The following NCOA2 variants were observed in gnomAD, a reference collection of about 807,000 sequenced individuals.
The protein encoded by NCOA2 is nuclear receptor coactivator 2.
Under a neutral mutation model 145.1 loss-of-function variants are expected in NCOA2, and 21 were observed. The ratio of observed to expected loss-of-function variants is 0.14; its 90% CI spans 0.10 to 0.21. The LOEUF (loss-of-function observed/expected upper bound fraction) is 0.21, where lower values mean the gene tolerates loss of function less well. Among genes scored for constraint, NCOA2 ranks in the 10% least tolerant of loss-of-function variants. The pLI is 1.00. For synonymous variants in NCOA2, 619 were observed against 637.5 expected, an observed-to-expected ratio of 0.97 and a Z score of 0.44; for missense variants, 1,472 against 1,837.6, an observed-to-expected ratio of 0.80 and a Z score of 3.64.
At chr8:70,163,608 T>C in intron 7 of NCOA2, 42 bp from the exon 8 acceptor site, 2 of 1,508,986 alleles carry the variant, frequency 1.3e-6, no homozygotes, top group South Asian at 1.1e-5. Context: ...TGGGCTTTTC[T>C]AGTGATTCAA....
In NCOA2 at chr8:70,352,920, C is replaced by T. The variant is rs1586574573; in HGVS notation, c.-77+50780G>A. ...TGGCCATCCTGGCAGCAGATAACAC[C>T]CATAAGAGCTTATTTTGCTACTACC... is the stretch of plus-strand genomic sequence containing the variant. On this transcript the variant is annotated intron_variant, in intron 1 of 22. Coordinates refer to ENST00000452400, the MANE Select transcript of NCOA2 (RefSeq NM_006540.4). Among the ~76,000 whole-genome samples the T allele has an allele frequency of 2.6e-5, 4 of 152,142 alleles. No homozygotes were observed. The South Asian group carries it at 8.3e-4, about 32-fold the overall frequency.
At chr8:70,346,676 C>T (rs1162635812) in intron 1 of NCOA2, among the ~76,000 whole-genome samples, 4 of 152,140 alleles carry the variant, frequency 2.6e-5, no homozygotes, top group African/African-American at 7.2e-5. Context: ...TAGTGCCTAC[C>T]TCATATTACC....
intron 2 of NCOA2, among the ~76,000 whole-genome samples, chr8:70,253,590 A>G (rs967436232): frequency 6.6e-6 from 1 of 152,170 alleles, no homozygotes; most frequent in Non-Finnish European, 1.5e-5. Flanking sequence ...ACAAAACAAA[A>G]AAACCTCTCA....
chr8:70,236,085 T>TTG (rs1411419821), intron 2 of NCOA2, among the ~76,000 whole-genome samples: 1 of 152,166 alleles, frequency 6.6e-6, no homozygotes, highest in Non-Finnish European at 1.5e-5. Flanking sequence ...ATGTGTAAGA[T>TTG]GTCAATCCAC....
chr8:70,376,451 T>C (rs190965325), intron 1 of NCOA2, among the ~76,000 whole-genome samples: 48 of 152,270 alleles, frequency 3.2e-4, no homozygotes, highest in Admixed American at 1.6e-3. Context: ...AGTCTGGATT[T>C]TTCTATTATA....
intron 2 of NCOA2, among the ~76,000 whole-genome samples, chr8:70,226,661 TA>T (rs1350914435): frequency 5.5e-3 from 47 of 8,486 alleles, no homozygotes; most frequent in Non-Finnish European, 0.017. Context: ...TTTAATTATT[TA>T]TATATATATA....
intron 1 of NCOA2, among the ~76,000 whole-genome samples, chr8:70,371,099 AAC>A (rs1446093541): frequency 6.6e-6 from 1 of 152,070 alleles, no homozygotes; most frequent in Non-Finnish European, 1.5e-5. Context: ...CATCCTGGCT[AAC>A]ACAGTGAAAC....
rs1007044757 is a variant in NCOA2, at chr8:70,156,861, T to A, written c.1504A>T (p.Ile502Phe). The change falls in exon 11 of 23, where the codon ATC becomes TTC. Residue 502 changes from isoleucine to phenylalanine, a missense_variant. This residue lies in a region of NCOA2 where 953 missense variants were observed against 1,062.1 expected (regional missense o/e 0.90). Coordinates refer to ENST00000452400, the MANE Select transcript of NCOA2 (RefSeq NM_006540.4). The part of the protein sequence containing the change: ...MSPGVAGSPR[I>F]PPSQFSPAGS... ...GCAGGGGAAAACTGACTGGGTGGGA[T>A]TCGAGGGCTGCCAGCCACTCCAGGG... 6.2e-7 allele frequency: 1 copy of A among 1,613,914 alleles called. No homozygotes were observed. The highest frequency in any genetic ancestry group is 8.5e-7 in the Non-Finnish European group (1 of 1,179,858).
chr8:70,273,480 C>T (rs565563718), intron 2 of NCOA2: 13 of 638,232 alleles, frequency 2.0e-5, no homozygotes, highest in South Asian at 1.8e-4. Context: ...ACAGCCACAG[C>T]AAATGATAAA....
In NCOA2 at chr8:70,156,829, G is replaced by A; in HGVS notation, c.1536C>T (p.Ser512=). ...IPPSQFSPAG[S]LHSPVGVCSS... is the part of the protein sequence containing the mutation. ...TGCAAACTCCCACAGGGGAATGCAA[G>A]CTTCCTGCAGGGGAAAACTGACTGG... Residue 512 remains serine, a synonymous_variant, in exon 11 of 23, where the codon AGC becomes AGT. Coordinates refer to ENST00000452400, the MANE Select transcript of NCOA2 (RefSeq NM_006540.4). 1 of 1,614,036 alleles carries A rather than the reference G, an allele frequency of 6.2e-7. No individual in the cohort carries two copies.
intron 2 of NCOA2, among the ~76,000 whole-genome samples, chr8:70,225,059 G>T (rs1048653647): frequency 6.6e-6 from 1 of 152,086 alleles, no homozygotes; most frequent in South Asian, 2.1e-4. Flanking sequence ...TCTATTAAGG[G>T]GGAATGCAGA....
intron 22 of NCOA2, among the ~76,000 whole-genome samples, chr8:70,114,899 T>C (rs1232612602): frequency 1.3e-5 from 2 of 152,178 alleles, no homozygotes; most frequent in Non-Finnish European, 2.9e-5. Flanking sequence ...AAGGTGGAAT[T>C]ACATTAGCCC....
At chr8:70,200,092 G>A (rs1454664331) in intron 4 of NCOA2, among the ~76,000 whole-genome samples, 2 of 152,044 alleles carry the variant, frequency 1.3e-5, no homozygotes, top group Admixed American at 6.6e-5. Context: ...TATATAATAA[G>A]TAATCTACAG....
chr8:70,123,177 C>A (rs762218671), intron 21 of NCOA2, among the ~76,000 whole-genome samples: 3 of 152,082 alleles, frequency 2.0e-5, no homozygotes, highest in African/African-American at 7.2e-5. Flanking sequence ...TGTTGTTCAA[C>A]GCAAAACAAT....
At chr8:70,145,242 C>CT (rs1375931616) in intron 12 of NCOA2, among the ~76,000 whole-genome samples, 1 of 152,210 alleles carries the variant, frequency 6.6e-6, no homozygotes, top group Non-Finnish European at 1.5e-5. Flanking sequence ...ATTACAACCT[C>CT]TGCCTCCGAG....
chr8:70,171,352 A>G (rs1448490285), intron 5 of NCOA2, among the ~76,000 whole-genome samples: 2 of 152,218 alleles, frequency 1.3e-5, no homozygotes, highest in South Asian at 4.1e-4. Context: ...CAGTGGTAGT[A>G]CAGCTTGAAT....
the NCOA2 span, among the ~76,000 whole-genome samples, chr8:70,419,149 C>T: frequency 6.6e-6 from 1 of 150,906 alleles, no homozygotes; most frequent in Non-Finnish European, 1.5e-5. Flanking sequence ...TGAACAAACC[C>T]TCCCAGTGTA....
chr8:70,287,078 AC>A (rs1331915916), intron 2 of NCOA2, among the ~76,000 whole-genome samples: 2 of 152,046 alleles, frequency 1.3e-5, no homozygotes, highest in Non-Finnish European at 2.9e-5. Context: ...TCCTGTCTCT[AC>A]AAAAAAATAC....
intron 8 of NCOA2, among the ~76,000 whole-genome samples, 160 bp from the exon 9 acceptor site, chr8:70,163,014 A>G (rs1813218213): frequency 7.0e-6 from 1 of 143,090 alleles, no homozygotes; most frequent in Non-Finnish European, 1.5e-5. Context: ...TCCTGGGGTC[A>G]AACGACTCTT....
Sources: allele counts gnomAD v4.1 joint callset (sites outside exome capture counted in the v4.1 genomes callset), GRCh38; gene constraint gnomAD v4.1.1; regional missense constraint gnomAD v4.1.1; transcripts MANE v1.5; gene names NCBI Gene and HGNC (gene_info 2026-07-23, HGNC 2026-07-21).